The following PHEX variants were observed in gnomAD, a reference collection of about 807,000 sequenced individuals.
The protein encoded by PHEX is phosphate regulating endopeptidase X-linked, also known as phosphate-regulating neutral endopeptidase PHEX.
In PHEX, 16 loss-of-function variants were observed where a neutral mutation model predicts 68.0. The observed-to-expected ratio is 0.24, with a 90% CI of 0.16 to 0.36. The LOEUF (loss-of-function observed/expected upper bound fraction) is 0.36. PHEX is among the 10% of genes least tolerant of loss of function. The pLI is 1.00. For synonymous variants in PHEX, 208 were observed against 205.1 expected (o/e 1.01, Z -0.12); for missense variants, 480 against 575.5 (o/e 0.83, Z 1.70).
intron 19 of PHEX, among the ~76,000 whole-genome samples, chrX:22,226,740 G>GAATC (rs1472089563): frequency 9.0e-6 from 1 of 111,563 alleles, no homozygotes; most frequent in Admixed American, 9.5e-5. Context: ...TTGTTATTAA[G>GAATC]AATCATGTAT....
At chrX:22,063,717 T>C (rs1030154028) in intron 3 of PHEX, among the ~76,000 whole-genome samples, 3 of 112,451 alleles carry the variant, frequency 2.7e-5, no homozygotes, top group Non-Finnish European at 5.6e-5. Flanking sequence ...AAATGTCTCA[T>C]CTCACCCGGA....
intron 11 of PHEX, among the ~76,000 whole-genome samples, chrX:22,118,588 C>T (rs1341411152): frequency 9.0e-6 from 1 of 110,592 alleles, no homozygotes; most frequent in Admixed American, 9.7e-5. Flanking sequence ...GAGACTCCCG[C>T]CCCACTTCTC....
chrX:22,161,009 C>A lies in PHEX; in HGVS notation c.1405-7303C>A, dbSNP rs1314441018. ...AATTAGCCGGGAATGGTGGTGCATGCCTGTAATCCCAGCTACTCGGTGGGA... is the reference window on the plus strand; with the variant it reads ...AATTAGCCGGGAATGGTGGTGCATGACTGTAATCCCAGCTACTCGGTGGGA... On this transcript the variant is annotated intron_variant, in intron 12 of 21. Coordinates refer to ENST00000379374, the MANE Select transcript of PHEX (RefSeq NM_000444.6). Among the ~76,000 whole-genome samples the A allele has an allele frequency of 2.7e-5, 3 of 109,594 alleles. No homozygotes were observed. The Admixed American group carries it at 2.9e-4, about 11-fold the overall frequency.
chrX:22,194,970 C>T lies in PHEX; in HGVS notation c.1645+4468C>T, dbSNP rs760508343. On this transcript the variant is annotated intron_variant, in intron 15 of 21. Coordinates refer to ENST00000379374, the MANE Select transcript of PHEX (RefSeq NM_000444.6). ...TGAAATGATTGGTGCTTAACCCTAA[C>T]TTTGTGATAACTGCGACACTGATCT... Among the ~76,000 whole-genome samples the T allele has an allele frequency of 2.5e-4, 28 of 112,386 alleles. 1 individual carries two copies. The highest frequency in any genetic ancestry group is 8.1e-4 in the African/African-American group (25 of 31,004).
intron 9 of PHEX, 114 bp from the exon 10 acceptor site, chrX:22,111,353 T>C (rs1428572217): frequency 1.6e-6 from 1 of 615,701 alleles, no homozygotes; most frequent in African/African-American, 2.2e-5. Context: ...TGCATTTTTG[T>C]ATGAGTAAGA....
intron 20 of PHEX, among the ~76,000 whole-genome samples, chrX:22,239,318 C>T (rs776929346): frequency 6.3e-5 from 7 of 111,280 alleles, no homozygotes; most frequent in Non-Finnish European, 7.5e-5. Flanking sequence ...AAACCCAGAA[C>T]GCCTCTTCTC....
rs1199031761 is a variant in PHEX at position 22,068,737 on chromosome X, G to A, written c.350-7651G>A. ...AGGTGCTTAAAAAATGAACACTGTC[G>A]TTACTGGTCCTTGGATGTCTTAGGA... On this transcript the variant is annotated intron_variant, in intron 3 of 21. Coordinates refer to ENST00000379374, the MANE Select transcript of PHEX (RefSeq NM_000444.6). Among the ~76,000 whole-genome samples, 3 of 112,322 alleles carry A rather than the reference G, an allele frequency of 2.7e-5. No individual in the cohort carries two copies. In the Admixed American group the frequency reaches 2.8e-4, roughly 11 times the overall value.
intron 10 of PHEX, among the ~76,000 whole-genome samples, chrX:22,113,943 C>CTTCT (rs1190189000): frequency 1.6e-5 from 1 of 63,982 alleles, no homozygotes; most frequent in African/African-American, 6.0e-5. Flanking sequence ...TCTTCTTCTT[C>CTTCT]TTTTTTTTTT....
chrX:22,152,993 C>CTTT (rs796374231), intron 12 of PHEX, among the ~76,000 whole-genome samples: 1 of 98,733 alleles, frequency 1.0e-5, no homozygotes. Context: ...AAATGATCAA[C>CTTT]TTTTTTTTTT....
intron 11 of PHEX, among the ~76,000 whole-genome samples, chrX:22,121,493 A>C (rs1931485777): frequency 8.9e-6 from 1 of 111,844 alleles, no homozygotes; most frequent in South Asian, 3.7e-4. Flanking sequence ...GGTAAGGGCA[A>C]GACGTACTTG....
At chrX:22,063,851 T>C (rs1294695448) in intron 3 of PHEX, among the ~76,000 whole-genome samples, 2 of 113,030 alleles carry the variant, frequency 1.8e-5, no homozygotes, top group Admixed American at 1.9e-4. Flanking sequence ...AGAATGGAAA[T>C]ACTAGTTCTT....
intron 15 of PHEX, among the ~76,000 whole-genome samples, chrX:22,212,136 G>T (rs1266818074): frequency 1.8e-5 from 2 of 111,874 alleles, no homozygotes; most frequent in Non-Finnish European, 3.8e-5. Context: ...GGTTATGACA[G>T]GATTCCTTGG....
intron 12 of PHEX, among the ~76,000 whole-genome samples, chrX:22,164,820 C>A (rs1250348105): frequency 8.9e-6 from 1 of 112,161 alleles, no homozygotes; most frequent in East Asian, 2.8e-4. Context: ...AATGAGGTAA[C>A]CTATAGATGT....
intron 3 of PHEX, among the ~76,000 whole-genome samples, chrX:22,049,157 G>A (rs1927689582): frequency 9.0e-6 from 1 of 111,452 alleles, no homozygotes; most frequent in African/African-American, 3.3e-5. Context: ...CACCCAGGCT[G>A]GAGTGCAATG....
At chrX:22,148,861 A>G (rs905511073) in intron 12 of PHEX, among the ~76,000 whole-genome samples, 2 of 111,090 alleles carry the variant, frequency 1.8e-5, no homozygotes, top group Admixed American at 1.9e-4. Context: ...GTATACATCG[A>G]CTCACAGAAG....
At position 22,129,017 on chromosome X, in the gene PHEX, A is replaced by T. The variant is rs189335641; in HGVS notation, c.1303-4506A>T. Among the ~76,000 whole-genome samples the T allele has an allele frequency of 1.4e-4, 16 of 111,507 alleles. No individual in the cohort carries two copies. The East Asian group carries it at 3.1e-3, about 22-fold the overall frequency. On this transcript the variant is annotated intron_variant, in intron 11 of 21. Coordinates refer to ENST00000379374, the MANE Select transcript of PHEX (RefSeq NM_000444.6). ...ATAATAAAATAGAACAGTTATAATG[A>T]TATACTGTAATAAAAGTTATGTGAA...
chrX:22,097,298 G>T (rs1444601259), intron 8 of PHEX, among the ~76,000 whole-genome samples: 1 of 112,389 alleles, frequency 8.9e-6, no homozygotes, highest in African/African-American at 3.2e-5. Context: ...ATAGGTAATT[G>T]TTGGCATTGG....
chrX:22,034,512 G>T (rs1347485857), intron 1 of PHEX, among the ~76,000 whole-genome samples: 1 of 112,158 alleles, frequency 8.9e-6, no homozygotes, highest in Admixed American at 9.5e-5. Flanking sequence ...AAATAGTGCC[G>T]ATGTTTTTAG....
intron 3 of PHEX, among the ~76,000 whole-genome samples, chrX:22,061,197 C>T (rs73635595): frequency 0.036 from 4,039 of 111,957 alleles, 173 homozygotes; most frequent in African/African-American, 0.12. Context: ...ATGCGTGAAT[C>T]CCTTACCTTT....
Sources: gnomAD v4.1 joint callset for allele counts (sites outside exome capture counted in the v4.1 genomes callset) on GRCh38, gnomAD v4.1.1 for gene constraint, MANE v1.5 for transcripts, NCBI Gene and HGNC (gene_info 2026-07-23, HGNC 2026-07-21) for gene names.